The following STARD3NL variants were observed in gnomAD, a reference collection of about 807,000 sequenced individuals.
STARD3NL encodes STARD3 N-terminal like.
Under a neutral mutation model 30.9 loss-of-function variants are expected in STARD3NL, and 17 were observed. The ratio of observed to expected loss-of-function variants is 0.55; its 90% CI spans 0.38 to 0.82. The LOEUF (loss-of-function observed/expected upper bound fraction) is 0.82, where lower values mean the gene tolerates loss of function less well. STARD3NL is among the 40% of genes least tolerant of loss of function. The pLI, the probability that STARD3NL is intolerant of heterozygous loss-of-function variation, is 0.00. For missense variants in STARD3NL, 234 were observed against 277.6 expected (o/e 0.84, Z 1.12); for synonymous variants, 112 against 100.5 (o/e 1.11, Z -0.69).
chr7:38,220,640 T>A (rs750332294), intron 7 of STARD3NL, among the ~76,000 whole-genome samples: 2 of 152,248 alleles, frequency 1.3e-5, no homozygotes, highest in Non-Finnish European at 2.9e-5. Context: ...TACCCCTGGG[T>A]ATGTACCCAA....
chr7:38,195,650 A>T (rs1263039756), intron 1 of STARD3NL, among the ~76,000 whole-genome samples: 3 of 152,222 alleles, frequency 2.0e-5, no homozygotes, highest in Non-Finnish European at 4.4e-5. Context: ...AAAATTATTG[A>T]TAATTACCTG....
chr7:38,184,824 A>G (rs143475174), intron 1 of STARD3NL, among the ~76,000 whole-genome samples: 3,109 of 146,794 alleles, frequency 0.021, 44 homozygotes, highest in South Asian at 0.028. Context: ...AAATACATAT[A>G]TATATAGGCA....
At chr7:38,195,785 A>G (rs79962008) in intron 1 of STARD3NL, among the ~76,000 whole-genome samples, 1 of 152,212 alleles carries the variant, frequency 6.6e-6, no homozygotes, top group Non-Finnish European at 1.5e-5. Context: ...ATAGCTATCC[A>G]TCATTTAGAC....
At chr7:38,214,076 A>G (rs1438702345) in intron 2 of STARD3NL, among the ~76,000 whole-genome samples, 1 of 152,240 alleles carries the variant, frequency 6.6e-6, no homozygotes, top group Non-Finnish European at 1.5e-5. Flanking sequence ...TTAGAAGGGA[A>G]AAAATAATTT....
chr7:38,211,657 C>T (rs1785810168), intron 2 of STARD3NL, among the ~76,000 whole-genome samples: 1 of 152,154 alleles, frequency 6.6e-6, no homozygotes, highest in South Asian at 2.1e-4. Context: ...GATTGGACAA[C>T]ATGATTTTGA....
At chr7:38,217,119 T>TTTC (rs1786165700) in intron 5 of STARD3NL, 41 bp downstream of exon 5, 1 of 1,613,694 alleles carries the variant, frequency 6.2e-7, no homozygotes, top group Non-Finnish European at 8.5e-7. Context: ...CCATCTTCAG[T>TTTC]GATGAAGCCT....
chr7:38,220,054 C>T (rs879331502), intron 7 of STARD3NL, among the ~76,000 whole-genome samples: 3 of 152,154 alleles, frequency 2.0e-5, no homozygotes, highest in Admixed American at 6.5e-5. Context: ...GGCTTCACCC[C>T]GTTCTTATGG....
intron 6 of STARD3NL, among the ~76,000 whole-genome samples, chr7:38,218,343 A>G (rs1786244281): frequency 6.6e-6 from 1 of 152,260 alleles, no homozygotes; most frequent in South Asian, 2.1e-4. Flanking sequence ...GAAGAAATAT[A>G]TAAGAAAAGG....
At position 38,178,389 on chromosome 7, in the gene STARD3NL, C is replaced by T. The variant is rs1295349441; in HGVS notation, c.-90C>T. On this transcript the variant is annotated 5_prime_UTR_variant, in exon 1 of 9. Coordinates refer to ENST00000009041, the MANE Select transcript of STARD3NL (RefSeq NM_032016.4). The stretch of plus-strand genomic sequence containing the variant: ...GCGGATCCGCAGTTCCCGGGCCAGC[C>T]TGGGGCGGCCGGCCAGGAACCACCC... 1.3e-5 allele frequency: 2 copies of T among 152,246 alleles called. No homozygotes were observed. Among genetic ancestry groups the T allele is most frequent in the African/African-American group, 4.8e-5 (2 of 41,460 alleles). The allele number at this position is 152,246 out of a possible 1,614,324, so 9.4% of individuals were successfully genotyped here. A position where few individuals can be genotyped will look rare whatever the true frequency, so the allele number is the denominator to read the frequency against.
chr7:38,205,471 T>G (rs1459204585), intron 1 of STARD3NL, among the ~76,000 whole-genome samples: 1 of 152,228 alleles, frequency 6.6e-6, no homozygotes, highest in Non-Finnish European at 1.5e-5. Flanking sequence ...GCATTTTTTC[T>G]AAGTCATTAT....
chr7:38,214,254 G>A lies in STARD3NL; in HGVS notation c.226-103G>A, dbSNP rs142289588. 5.0e-4 allele frequency: 353 copies of A among 700,374 alleles called. No homozygotes were observed. In the African/African-American group the frequency reaches 5.8e-3, roughly 12 times the overall value. 43.4% of individuals were successfully genotyped at this position (700,374 alleles called of 1,614,324 possible). On this transcript the variant is annotated intron_variant, in intron 2 of 8. Coordinates refer to ENST00000009041, the MANE Select transcript of STARD3NL (RefSeq NM_032016.4). ...CTTTTCTTCGCACTTTAGCATTTCT[G>A]GGTTCTGAGAAGATAGGCAGGAAAG... is the stretch of plus-strand genomic sequence containing the variant.
chr7:38,197,153 T>TTTCTTTCTTTCC (rs1491339220), intron 1 of STARD3NL, among the ~76,000 whole-genome samples: 26 of 144,642 alleles, frequency 1.8e-4, no homozygotes, highest in Non-Finnish European at 2.3e-4. Context: ...TCTTTCTTTC[T>TTTCTTTCTTTCC]TTCTTTCTTT....
At chr7:38,225,181 TA>T (rs1300583143) in intron 7 of STARD3NL, among the ~76,000 whole-genome samples, 2 of 152,216 alleles carry the variant, frequency 1.3e-5, no homozygotes, top group African/African-American at 4.8e-5. Context: ...TCTTTTGCCA[TA>T]TTTTTAATTG....
chr7:38,195,063 T>A (rs917574774), intron 1 of STARD3NL, among the ~76,000 whole-genome samples: 1 of 152,102 alleles, frequency 6.6e-6, no homozygotes, highest in African/African-American at 2.4e-5. Flanking sequence ...AAGCCTAATT[T>A]TATATATATA....
At position 38,215,192 on chromosome 7, in the gene STARD3NL, C is replaced by T. The variant is rs2116335198; in HGVS notation, c.381+87C>T. 2.3e-6 allele frequency: 3 copies of T among 1,283,388 alleles called. No individual in the cohort carries two copies. In the South Asian group the frequency reaches 3.7e-5, roughly 16 times the overall value. 79.5% of individuals were successfully genotyped at this position (1,283,388 alleles called of 1,614,324 possible). ...AACAGGCCTGGGCTGGGAGAAGATA[C>T]AGTTCTAATGCAGGTGGAATCCCAC... On this transcript the variant is annotated intron_variant, in intron 4 of 8. Coordinates refer to ENST00000009041, the MANE Select transcript of STARD3NL (RefSeq NM_032016.4).
intron 7 of STARD3NL, among the ~76,000 whole-genome samples, chr7:38,228,432 A>G (rs550956894): frequency 4.2e-4 from 64 of 152,328 alleles, no homozygotes; most frequent in African/African-American, 1.5e-3. Flanking sequence ...AGAAACACCT[A>G]GATTCAATTA....
At chr7:38,201,142 C>A (rs536926573) in intron 1 of STARD3NL, among the ~76,000 whole-genome samples, 1 of 152,306 alleles carries the variant, frequency 6.6e-6, no homozygotes, top group South Asian at 2.1e-4. Flanking sequence ...CAAGCTCACT[C>A]TCCTTTTTAC....
chr7:38,221,631 A>G (rs1300184064), intron 7 of STARD3NL, among the ~76,000 whole-genome samples: 1 of 152,238 alleles, frequency 6.6e-6, no homozygotes, highest in East Asian at 1.9e-4. Flanking sequence ...TATAACTGCT[A>G]AAGTATATTA....
intron 1 of STARD3NL, among the ~76,000 whole-genome samples, chr7:38,186,985 C>T (rs1784485958): frequency 1.3e-5 from 2 of 152,162 alleles, no homozygotes; most frequent in African/African-American, 4.8e-5. Flanking sequence ...TATAGAGACC[C>T]CGTTGTTTCA....
Sources: allele counts gnomAD v4.1 joint callset (sites outside exome capture counted in the v4.1 genomes callset), GRCh38; gene constraint gnomAD v4.1.1; transcripts MANE v1.5; gene names NCBI Gene and HGNC (gene_info 2026-07-23, HGNC 2026-07-21).